ARHGAP6: variants seen among roughly 807,000 people sequenced by gnomAD.
ARHGAP6 encodes the protein rho GTPase-activating protein 6.
ARHGAP6 carries 16 observed loss-of-function variants against 55.7 expected under a neutral mutation model. The ratio of observed to expected loss-of-function variants is 0.29; its 90% CI spans 0.19 to 0.44. The LOEUF is 0.44. ARHGAP6 is among the 20% of genes least tolerant of loss of function. The pLI is 1.00. For synonymous variants in ARHGAP6, 382 were observed against 360.9 expected (o/e 1.06, Z -0.66); for missense variants, 698 against 808.9 (o/e 0.86, Z 1.66).
intron 1 of ARHGAP6, among the ~76,000 whole-genome samples, chrX:11,602,214 T>TA (rs1277700473): frequency 2.7e-5 from 3 of 111,779 alleles, no homozygotes; most frequent in Non-Finnish European, 5.6e-5. Flanking sequence ...CATATCTTAA[T>TA]AAAAAAAGCA....
At chrX:11,344,398 C>A (rs753209347) in intron 1 of ARHGAP6, among the ~76,000 whole-genome samples, 1 of 111,081 alleles carries the variant, frequency 9.0e-6, no homozygotes, top group African/African-American at 3.3e-5. Context: ...CCCGGCCAGG[C>A]GCAGTGGCTC....
At chrX:11,159,964 C>T (rs942110197) in intron 9 of ARHGAP6, among the ~76,000 whole-genome samples, 61 of 110,349 alleles carry the variant, frequency 5.5e-4, no homozygotes, top group African/African-American at 1.9e-3. Flanking sequence ...AAACGTAACA[C>T]CTAAAGGGTG....
chrX:11,535,803 T>A (rs1273528644), intron 1 of ARHGAP6, among the ~76,000 whole-genome samples: 1 of 111,960 alleles, frequency 8.9e-6, no homozygotes, highest in Non-Finnish European at 1.9e-5. Context: ...ATCTGTGATA[T>A]GTTCAAAGCA....
In ARHGAP6 at chrX:11,139,131, C is replaced by A. The variant is rs2045584787; in HGVS notation, c.2657G>T (p.Gly886Val). 8.3e-7 allele frequency: 1 copy of A among 1,205,899 alleles called. No homozygotes were observed. The highest frequency in any genetic ancestry group is 3.0e-5 in the East Asian group (1 of 33,701). ...TGCCGCTGCCGCGGGCTTCCCTGGGCCCGGGTATGGAGGCGGGGGCCGCTT... is the reference window on the plus strand; with the variant it reads ...TGCCGCTGCCGCGGGCTTCCCTGGGACCGGGTATGGAGGCGGGGGCCGCTT... ...DDKRPPPPYP[G>V]PGKPAAAAAW... Residue 886 changes from glycine to valine, a missense_variant, in exon 13 of 13, where the codon GGC becomes GTC. Around this residue, in one of 3 missense-constraint regions of ARHGAP6, gnomAD observed 212 missense variants for 208.7 expected, o/e 1.02. Coordinates refer to ENST00000337414, the MANE Select transcript of ARHGAP6 (RefSeq NM_013427.3).
At chrX:11,567,857 T>C (rs1471696153) in intron 1 of ARHGAP6, among the ~76,000 whole-genome samples, 1 of 110,237 alleles carries the variant, frequency 9.1e-6, no homozygotes, top group Non-Finnish European at 1.9e-5. Flanking sequence ...GTTGTTTTTA[T>C]TGTAGATACA....
At chrX:11,529,116 G>A (rs1211425348) in intron 1 of ARHGAP6, among the ~76,000 whole-genome samples, 1 of 111,258 alleles carries the variant, frequency 9.0e-6, no homozygotes, top group Admixed American at 9.6e-5. Context: ...GAAATCTCTC[G>A]AGTCTTTAGT....
At chrX:11,428,262 G>A (rs776508102) in intron 1 of ARHGAP6, among the ~76,000 whole-genome samples, 4 of 111,712 alleles carry the variant, frequency 3.6e-5, no homozygotes, top group Admixed American at 9.4e-5. Flanking sequence ...GGGGAGGGCA[G>A]GACTGAGAGG....
intron 1 of ARHGAP6, among the ~76,000 whole-genome samples, chrX:11,563,590 C>T (rs372694912): frequency 2.7e-5 from 3 of 111,302 alleles, no homozygotes; most frequent in African/African-American, 9.8e-5. Context: ...AATAGCACAT[C>T]TCTGCAAAGA....
intron 1 of ARHGAP6, among the ~76,000 whole-genome samples, chrX:11,520,168 T>C (rs2050901962): frequency 1.3e-5 from 1 of 79,156 alleles, no homozygotes; most frequent in Admixed American, 1.4e-4. Context: ...TATATATATA[T>C]ATATATATAT....
intron 1 of ARHGAP6, among the ~76,000 whole-genome samples, chrX:11,361,989 A>C (rs1041765068): frequency 1.5e-4 from 17 of 112,097 alleles, no homozygotes; most frequent in East Asian, 5.6e-4. Flanking sequence ...GGCAATCATT[A>C]AAAAGTCAGG....
intron 1 of ARHGAP6, among the ~76,000 whole-genome samples, chrX:11,421,818 G>A (rs1395310859): frequency 8.9e-6 from 1 of 111,875 alleles, no homozygotes; most frequent in Non-Finnish European, 1.9e-5. Context: ...TTCCAAGTCT[G>A]GTCCTTAGAG....
At chrX:11,228,953 T>C (rs749228648) in intron 2 of ARHGAP6, among the ~76,000 whole-genome samples, 1 of 112,289 alleles carries the variant, frequency 8.9e-6, no homozygotes, top group Non-Finnish European at 1.9e-5. Context: ...GAATGAACCC[T>C]AGACAGTTCT....
chrX:11,266,990 A>T (rs759505295), intron 1 of ARHGAP6, among the ~76,000 whole-genome samples: 8 of 111,475 alleles, frequency 7.2e-5, no homozygotes, highest in Non-Finnish European at 1.3e-4. Flanking sequence ...AGAATGATTA[A>T]ACTTAAACAG....
At chrX:11,227,625 A>C (rs763865927) in intron 2 of ARHGAP6, among the ~76,000 whole-genome samples, 1 of 109,583 alleles carries the variant, frequency 9.1e-6, no homozygotes, top group African/African-American at 3.3e-5. Context: ...CAGTTCTTAG[A>C]TATTCAGAGA....
At chrX:11,413,166 C>T (rs1296421760) in intron 1 of ARHGAP6, among the ~76,000 whole-genome samples, 3 of 112,289 alleles carry the variant, frequency 2.7e-5, no homozygotes, top group Non-Finnish European at 5.6e-5. Flanking sequence ...AAAAGAATTC[C>T]AGGTTCATCC....
chrX:11,358,165 T>A (rs2052619144), intron 1 of ARHGAP6, among the ~76,000 whole-genome samples: 1 of 112,394 alleles, frequency 8.9e-6, no homozygotes, highest in South Asian at 3.7e-4. Flanking sequence ...CTGGATTCTT[T>A]ACTTAGCATA....
In ARHGAP6 at chrX:11,514,161, CAAAAAAAAA is replaced by C. The variant is rs1156613318; in HGVS notation, c.588+150071_588+150079del. 1.1e-4 allele frequency among the ~76,000 whole-genome samples: 4 copies of C among 35,783 alleles called. No individual in the cohort carries two copies. In the East Asian group the frequency reaches 4.3e-3, roughly 38 times the overall value. The allele number at this position is 35,783 out of a possible 115,157, so 31.1% of individuals were successfully genotyped here. A position where few individuals can be genotyped will look rare whatever the true frequency, so the allele number is the denominator to read the frequency against. On this transcript the variant is annotated intron_variant, in intron 1 of 12. Transcript: ENST00000337414. ...TGGGTGACGAAGTGAAACCCTGTCTCAAAAAAAAAAAAAAAAAAAAAAAAAAAGTGGTTT... is the reference window on the plus strand; with the variant it reads ...TGGGTGACGAAGTGAAACCCTGTCTCAAAAAAAAAAAAAAAAAAGTGGTTT...
chrX:11,462,989 T>C (rs757921044), intron 1 of ARHGAP6, among the ~76,000 whole-genome samples: 1 of 112,498 alleles, frequency 8.9e-6, no homozygotes, highest in Non-Finnish European at 1.9e-5. Context: ...GGCTGAGAAA[T>C]GCAGTCTGTC....
chrX:11,430,626 G>A (rs1476410941), intron 1 of ARHGAP6, among the ~76,000 whole-genome samples: 2 of 111,273 alleles, frequency 1.8e-5, no homozygotes, highest in Non-Finnish European at 3.8e-5. Flanking sequence ...TATATTTCAG[G>A]GTATATTTAA....
Sources: allele counts gnomAD v4.1 joint callset (sites outside exome capture counted in the v4.1 genomes callset), GRCh38; gene constraint gnomAD v4.1.1; regional missense constraint gnomAD v4.1.1; transcripts MANE v1.5; gene names NCBI Gene and HGNC (gene_info 2026-07-23, HGNC 2026-07-21).